The following TXNDC8 variants were observed in gnomAD, a reference collection of about 807,000 sequenced individuals.
TXNDC8 encodes the protein thioredoxin domain-containing protein 8.
Under a neutral mutation model 12.9 loss-of-function variants are expected in TXNDC8, and 15 were observed. The observed-to-expected ratio is 1.16, with a 90% CI of 0.78 to 1.79. TXNDC8 has a LOEUF of 1.79. TXNDC8 is among the 40% of genes most tolerant of loss of function. The pLI is 0.00. For missense variants in TXNDC8, 128 were observed against 113.2 expected (o/e 1.13, Z -0.59); for synonymous variants, 40 against 35.4 (o/e 1.13, Z -0.46).
intron 3 of TXNDC8, chr9:110,322,447 C>A (rs915792281): frequency 2.0e-6 from 2 of 985,250 alleles, no homozygotes; most frequent in African/African-American, 1.7e-5. Context: ...AGATACATAT[C>A]CATTAGAGAC....
chr9:110,319,414 T>C (rs980385532), intron 3 of TXNDC8, among the ~76,000 whole-genome samples: 2 of 152,252 alleles, frequency 1.3e-5, no homozygotes, highest in African/African-American at 4.8e-5. Context: ...GATAGCTACA[T>C]CTTCTAGTAT....
Position 110,326,163 on chromosome 9 carries a change from C to G in TXNDC8, c.195+12G>C, listed in dbSNP as rs1839309192. 6.2e-7 allele frequency: 1 copy of G among 1,613,990 alleles called. No homozygotes were observed. Among genetic ancestry groups the G allele is most frequent in the Non-Finnish European group, 8.5e-7 (1 of 1,179,894 alleles). On this transcript the variant is annotated intron_variant, in intron 3 of 4. Coordinates refer to ENST00000423740, the MANE Select transcript of TXNDC8 (RefSeq NM_001286946.2). ...ATCTAATTCAACCCTGCTGGTTACC[C>G]TGGAAACATACCTTCTGGCTTTTCT...
chr9:110,335,691 C>T (rs12001308), intron 1 of TXNDC8, among the ~76,000 whole-genome samples: 14,691 of 152,166 alleles, frequency 0.097, 2,387 homozygotes, highest in African/African-American at 0.33. Flanking sequence ...TTAACCACTA[C>T]AGAAAATCCA....
intron 3 of TXNDC8, among the ~76,000 whole-genome samples, chr9:110,313,357 C>G (rs1182228413): frequency 6.6e-6 from 1 of 152,166 alleles, no homozygotes; most frequent in Non-Finnish European, 1.5e-5. Context: ...TAACAGCAAT[C>G]TATTTACATA....
rs1470444354 is a variant in TXNDC8 at position 110,304,524 on chromosome 9, T to G, written c.204A>C (p.Leu68=). 2.5e-6 allele frequency: 4 copies of G among 1,608,590 alleles called. No homozygotes were observed. The Middle Eastern group carries it at 6.6e-4, about 266-fold the overall frequency. Residue 68 remains leucine (L), a synonymous_variant, in exon 4 of 5, where the codon CTA becomes CTC. Transcript: ENST00000423740. ...AAATTATTCTTTTGATTCTTGAGAA[T>G]AGGGTTACCTAAGTGTGGGTGCAGA...
At chr9:110,331,927 CT>C (rs1362486175) in intron 2 of TXNDC8, among the ~76,000 whole-genome samples, 6 of 152,110 alleles carry the variant, frequency 3.9e-5, no homozygotes, top group East Asian at 1.9e-4. Flanking sequence ...TTGGGGACCC[CT>C]GATCTAGGGT....
downstream of TXNDC8, among the ~76,000 whole-genome samples, chr9:110,301,449 TA>T (rs1838269189): frequency 6.6e-6 from 1 of 152,242 alleles, no homozygotes; most frequent in South Asian, 2.1e-4. Context: ...TTTAAAAGTT[TA>T]TTTTTTGCAG....
intron 3 of TXNDC8, among the ~76,000 whole-genome samples, chr9:110,324,665 T>G (rs1340990661): frequency 4.6e-5 from 7 of 151,030 alleles, no homozygotes; most frequent in African/African-American, 7.3e-5. Flanking sequence ...TATGAAACTG[T>G]TTTTTTTTCC....
intron 3 of TXNDC8, among the ~76,000 whole-genome samples, chr9:110,306,976 C>T (rs1838492895): frequency 1.3e-5 from 2 of 152,062 alleles, no homozygotes; most frequent in Admixed American, 6.6e-5. Flanking sequence ...AGGTCTCGCT[C>T]TGTCACCCAG....
chr9:110,313,700 C>T (rs1439375898), intron 3 of TXNDC8, among the ~76,000 whole-genome samples: 1 of 152,182 alleles, frequency 6.6e-6, no homozygotes, highest in Non-Finnish European at 1.5e-5. Flanking sequence ...AACTCTGTCT[C>T]AAAACAAACA....
At chr9:110,324,153 C>T (rs912970471) in intron 3 of TXNDC8, among the ~76,000 whole-genome samples, 4 of 152,090 alleles carry the variant, frequency 2.6e-5, no homozygotes, top group African/African-American at 9.7e-5. Context: ...AGGCCTGAAG[C>T]AGAAGGTAGG....
chr9:110,305,758 C>T (rs1838434399), intron 3 of TXNDC8, among the ~76,000 whole-genome samples: 1 of 131,914 alleles, frequency 7.6e-6, no homozygotes, highest in Non-Finnish European at 1.6e-5. Flanking sequence ...CCTTCCCTTC[C>T]CTTCCCTTTC....
rs1266304784 is a variant in TXNDC8, at chr9:110,309,683, C to T, written c.196-5151G>A. ...CTTATCCAGGAAACACATATAAGGG[C>T]TGATTACCTAGTGTTTTGAGCCCTC... is the stretch of plus-strand genomic sequence containing the variant. On this transcript the variant is annotated intron_variant, in intron 3 of 4. Transcript: ENST00000423740. Among the ~76,000 whole-genome samples, 9 of 152,304 alleles carry T rather than the reference C, an allele frequency of 5.9e-5. No homozygotes were observed. In the East Asian group the frequency reaches 1.7e-3, roughly 29 times the overall value.
intron 3 of TXNDC8, among the ~76,000 whole-genome samples, chr9:110,306,882 A>C (rs1429144654): frequency 6.6e-6 from 1 of 152,062 alleles, no homozygotes; most frequent in East Asian, 1.9e-4. Flanking sequence ...AATTTTTGTC[A>C]TCTATCTTTC....
chr9:110,315,657 C>G (rs1317114179), intron 3 of TXNDC8, among the ~76,000 whole-genome samples: 1 of 151,922 alleles, frequency 6.6e-6, no homozygotes, highest in East Asian at 1.9e-4. Context: ...CAGAATCCTG[C>G]TACTATGCCT....
intron 3 of TXNDC8, among the ~76,000 whole-genome samples, chr9:110,319,278 G>T (rs959172076): frequency 6.6e-6 from 1 of 152,158 alleles, no homozygotes; most frequent in Admixed American, 6.5e-5. Context: ...AGATGACTTA[G>T]CTTAAATGGA....
intron 3 of TXNDC8, among the ~76,000 whole-genome samples, chr9:110,308,623 C>T (rs997831867): frequency 8.6e-5 from 13 of 151,630 alleles, no homozygotes; most frequent in Non-Finnish European, 1.8e-4. Flanking sequence ...AGAGGGAAAA[C>T]AAAACAGAAA....
rs73526770 is a variant in TXNDC8 at position 110,319,080 on chromosome 9, C to T, written c.195+7095G>A. 9.4e-3 allele frequency among the ~76,000 whole-genome samples: 1,432 copies of T among 152,220 alleles called. 24 individuals carry two copies. The highest frequency in any genetic ancestry group is 0.032 in the African/African-American group (1,338 of 41,518). ...TCCATCTCACTTAGTTCTTGCCCCC[C>T]GACCCCCAGTCAATCTCTGCCAGTG... is the stretch of plus-strand genomic sequence containing the variant. On this transcript the variant is annotated intron_variant, in intron 3 of 4. Transcript: ENST00000423740.
At chr9:110,334,636 C>CTT (rs575121337) in intron 1 of TXNDC8, among the ~76,000 whole-genome samples, 183 of 152,190 alleles carry the variant, frequency 1.2e-3, no homozygotes, top group African/African-American at 4.3e-3. Context: ...ATATATTTCT[C>CTT]TTTGTAAGTA....
Sources: allele counts gnomAD v4.1 joint callset (sites outside exome capture counted in the v4.1 genomes callset), GRCh38; gene constraint gnomAD v4.1.1; transcripts MANE v1.5; gene names NCBI Gene and HGNC (gene_info 2026-07-23, HGNC 2026-07-21).